Variants in COL23A1 observed in about 807,000 individuals in gnomAD.
The protein encoded by COL23A1 is collagen alpha-1(XXIII) chain.
Under a neutral mutation model 99.3 loss-of-function variants are expected in COL23A1, and 97 were observed. The observed-to-expected ratio is 0.98, with a 90% confidence interval of 0.83 to 1.16. The LOEUF (loss-of-function observed/expected upper bound fraction) is 1.16. COL23A1 is among the 50% of genes most tolerant of loss of function. The pLI is 0.00. For synonymous variants in COL23A1, 320 were observed against 308.2 expected (o/e 1.04, Z -0.40); for missense variants, 762 against 757.4 (o/e 1.01, Z -0.07).
intron 2 of COL23A1, among the ~76,000 whole-genome samples, chr5:178,437,901 G>T (rs1022483477): frequency 6.6e-6 from 1 of 152,166 alleles, no homozygotes. Context: ...GGTCAGCCTC[G>T]GCTGGGCTGA....
chr5:178,411,811 T>C (rs927207950), intron 2 of COL23A1, among the ~76,000 whole-genome samples: 2 of 152,242 alleles, frequency 1.3e-5, no homozygotes, highest in African/African-American at 2.4e-5. Flanking sequence ...TCATACATAA[T>C]TAAAGTCATT....
At chr5:178,570,757 G>C (rs73804272) in intron 1 of COL23A1, among the ~76,000 whole-genome samples, 2,810 of 152,238 alleles carry the variant, frequency 0.018, 81 homozygotes, top group African/African-American at 0.063. Flanking sequence ...GCACATGGAG[G>C]GGGGACGCGG....
At chr5:178,418,736 A>G (rs1765442132) in intron 2 of COL23A1, among the ~76,000 whole-genome samples, 1 of 151,330 alleles carries the variant, frequency 6.6e-6, no homozygotes, top group African/African-American at 2.5e-5. Context: ...AAGATCAGAA[A>G]CAAGCCTCCA....
chr5:178,543,646 AC>A (rs1163471844), intron 2 of COL23A1, among the ~76,000 whole-genome samples: 10 of 152,100 alleles, frequency 6.6e-5, no homozygotes, highest in Non-Finnish European at 1.3e-4. Flanking sequence ...GGAGGCAGAT[AC>A]CAGTACACCT....
At chr5:178,497,771 G>T (rs1416882002) in intron 2 of COL23A1, among the ~76,000 whole-genome samples, 1 of 151,950 alleles carries the variant, frequency 6.6e-6, no homozygotes, top group Non-Finnish European at 1.5e-5. Flanking sequence ...TAAAGCTGAA[G>T]AATTAATGAA....
chr5:178,400,030 C>A (rs1392437683), intron 2 of COL23A1, among the ~76,000 whole-genome samples: 2 of 152,098 alleles, frequency 1.3e-5, no homozygotes, highest in Non-Finnish European at 2.9e-5. Context: ...ACAGTCGGAG[C>A]CCAATTGGAA....
chr5:178,373,609 T>G (rs1176602249), intron 2 of COL23A1, among the ~76,000 whole-genome samples: 2 of 151,996 alleles, frequency 1.3e-5, no homozygotes, highest in African/African-American at 4.8e-5. Flanking sequence ...AGAGACGGGA[T>G]TTCACCATGT....
intron 2 of COL23A1, among the ~76,000 whole-genome samples, chr5:178,410,942 A>C (rs1765026016): frequency 6.6e-6 from 1 of 152,238 alleles, no homozygotes; most frequent in Non-Finnish European, 1.5e-5. Context: ...TTACAACTCA[A>C]CAATAAAAAT....
At chr5:178,287,561 G>A (rs533853685) in intron 5 of COL23A1, among the ~76,000 whole-genome samples, 3 of 152,176 alleles carry the variant, frequency 2.0e-5, no homozygotes, top group Non-Finnish European at 4.4e-5. Flanking sequence ...CAGGACCGGG[G>A]ACCACCGCTC....
intron 2 of COL23A1, among the ~76,000 whole-genome samples, chr5:178,361,573 C>A (rs1762176523): frequency 6.6e-6 from 1 of 152,066 alleles, no homozygotes; most frequent in Admixed American, 6.6e-5. Context: ...AACCCCTGGC[C>A]CCCTGGCCTT....
At chr5:178,473,237 T>C (rs189349049) in intron 2 of COL23A1, among the ~76,000 whole-genome samples, 48 of 152,264 alleles carry the variant, frequency 3.2e-4, no homozygotes, top group Middle Eastern at 3.4e-3. Flanking sequence ...GTATTATAAG[T>C]AATCTAGAGA....
At chr5:178,268,097 A>G (rs1756007593) in intron 7 of COL23A1, among the ~76,000 whole-genome samples, 1 of 152,212 alleles carries the variant, frequency 6.6e-6, no homozygotes, top group Non-Finnish European at 1.5e-5. Flanking sequence ...GAATCACAGC[A>G]GGGCCCATCT....
intron 2 of COL23A1, among the ~76,000 whole-genome samples, chr5:178,477,952 G>A (rs1757121483): frequency 6.6e-6 from 1 of 152,236 alleles, no homozygotes; most frequent in Non-Finnish European, 1.5e-5. Flanking sequence ...GAAGGCAGGT[G>A]CCAGTTATCA....
intron 2 of COL23A1, among the ~76,000 whole-genome samples, chr5:178,449,963 G>A (rs1767393388): frequency 6.6e-6 from 1 of 152,082 alleles, no homozygotes; most frequent in South Asian, 2.1e-4. Context: ...CATTAACAGT[G>A]TCTGCCACAC....
At chr5:178,262,525 G>C (rs1177886917) in intron 9 of COL23A1, among the ~76,000 whole-genome samples, 2 of 152,050 alleles carry the variant, frequency 1.3e-5, no homozygotes, top group Admixed American at 6.6e-5. Flanking sequence ...CATTTGACTG[G>C]GGGGGGACCC....
chr5:178,327,009 C>T (rs561254830), intron 2 of COL23A1, among the ~76,000 whole-genome samples: 2 of 152,364 alleles, frequency 1.3e-5, no homozygotes, highest in South Asian at 4.1e-4. Flanking sequence ...TGAGCCACTG[C>T]ACCGGGCCAA....
At chr5:178,371,713 C>G (rs1289975120) in intron 2 of COL23A1, among the ~76,000 whole-genome samples, 1 of 152,194 alleles carries the variant, frequency 6.6e-6, no homozygotes, top group African/African-American at 2.4e-5. Flanking sequence ...GTCCCTCTTC[C>G]CGATGGTGAG....
chr5:178,473,740 G>A (rs1295960862), intron 2 of COL23A1, among the ~76,000 whole-genome samples: 1 of 151,966 alleles, frequency 6.6e-6, no homozygotes, highest in Non-Finnish European at 1.5e-5. Flanking sequence ...TTACCCTAGC[G>A]AAACCCCTGC....
At chr5:178,550,007 G>A (rs948657595) in intron 2 of COL23A1, among the ~76,000 whole-genome samples, 1 of 152,054 alleles carries the variant, frequency 6.6e-6, no homozygotes, top group Non-Finnish European at 1.5e-5. Flanking sequence ...GTAAAGAAAG[G>A]ATCTGGTTGG....
Sources: allele counts gnomAD v4.1 joint callset (sites outside exome capture counted in the v4.1 genomes callset), GRCh38; gene constraint gnomAD v4.1.1; transcripts MANE v1.5; gene names NCBI Gene and HGNC (gene_info 2026-07-23, HGNC 2026-07-21).